OTUD7A: variants seen among roughly 807,000 people sequenced by gnomAD.
OTUD7A encodes the protein OTU domain-containing protein 7A.
A neutral mutation model predicts 65.7 loss-of-function variants in OTUD7A; 12 were observed. That is an observed-to-expected ratio of 0.18 (90% CI 0.12 to 0.30). The LOEUF is 0.30. OTUD7A is among the 10% of genes least tolerant of loss of function. The pLI, the probability that OTUD7A is intolerant of heterozygous loss-of-function variation, is 1.00. For missense variants in OTUD7A, 1,148 were observed against 1,304.8 expected (o/e 0.88, Z 1.85); for synonymous variants, 641 against 586.3 (o/e 1.09, Z -1.35).
intron 1 of OTUD7A, among the ~76,000 whole-genome samples, chr15:31,679,373 T>C (rs1206733240): frequency 6.6e-6 from 1 of 151,956 alleles, no homozygotes; most frequent in African/African-American, 2.4e-5. Flanking sequence ...AACATGAGAT[T>C]TGATTTGGAA....
At chr15:31,846,295 C>A (rs777188381) in intron 1 of OTUD7A, among the ~76,000 whole-genome samples, 1 of 152,214 alleles carries the variant, frequency 6.6e-6, no homozygotes, top group East Asian at 1.9e-4. Context: ...CAGTCTAGAG[C>A]CTGTGGCCCA....
At chr15:31,819,723 T>C (rs1896633238) in intron 1 of OTUD7A, among the ~76,000 whole-genome samples, 1 of 151,970 alleles carries the variant, frequency 6.6e-6, no homozygotes, top group Admixed American at 6.6e-5. Context: ...TTATATATTA[T>C]ACAGGTAACA....
chr15:31,632,289 G>T lies in OTUD7A; in HGVS notation c.151+22807C>A, dbSNP rs1028555734. Among the ~76,000 whole-genome samples the T allele has an allele frequency of 6.6e-5, 10 of 152,312 alleles. No homozygotes were observed. In the East Asian group the frequency reaches 1.7e-3, roughly 26 times the overall value. On this transcript the variant is annotated intron_variant, in intron 3 of 12. Transcript: ENST00000307050. ...TTTGGTGTGGATGTCCTTTCTGTTT[G>T]TTAGTTTTCCTTCTAACAGACAGGA... is the stretch of plus-strand genomic sequence containing the variant.
rs909570627 is a variant in OTUD7A, at chr15:31,479,636, G to A, written c.*3658C>T. 1 of 128,470 alleles carries A rather than the reference G, an allele frequency of 7.8e-6. No homozygotes were observed. Among genetic ancestry groups the A allele is most frequent in the Non-Finnish European group, 1.6e-5 (1 of 63,124 alleles). The allele number at this position is 128,470 out of a possible 1,614,324, so 8.0% of individuals were successfully genotyped here. On this transcript the variant is annotated 3_prime_UTR_variant, in exon 13 of 13. Coordinates refer to ENST00000307050, the MANE Select transcript of OTUD7A (RefSeq NM_001382637.1). ...TTATTTTTGCAAAGTAGAATAGTTC[G>A]CAAAATAAGTTTGTGGACACTAAGT...
At chr15:31,599,679 A>G (rs545107228) in intron 3 of OTUD7A, among the ~76,000 whole-genome samples, 28 of 152,174 alleles carry the variant, frequency 1.8e-4, no homozygotes, top group Non-Finnish European at 3.1e-4. Context: ...AAAGTGGGTA[A>G]TAACAAACCC....
chr15:31,808,934 G>C (rs1896350832), intron 1 of OTUD7A, among the ~76,000 whole-genome samples: 2 of 152,220 alleles, frequency 1.3e-5, no homozygotes, highest in Admixed American at 1.3e-4. Flanking sequence ...CTAATCGTGT[G>C]TGGCTCCTGC....
At chr15:31,659,867 TGGGGTCGAGCACA>T (rs1892109005) in intron 1 of OTUD7A, among the ~76,000 whole-genome samples, 1 of 152,244 alleles carries the variant, frequency 6.6e-6, no homozygotes, top group Admixed American at 6.5e-5. Flanking sequence ...TGAACAGATC[TGGGGTCGAGCACA>T]GGCTTGGGAG....
chr15:31,870,227 G>A (rs906674199), intron 1 of OTUD7A, among the ~76,000 whole-genome samples: 5 of 148,580 alleles, frequency 3.4e-5, no homozygotes, highest in Non-Finnish European at 7.5e-5. Flanking sequence ...CGCCCTGCCC[G>A]AGAGAGGCGC....
At chr15:31,797,180 C>T (rs1304677092) in intron 1 of OTUD7A, among the ~76,000 whole-genome samples, 1 of 152,194 alleles carries the variant, frequency 6.6e-6, no homozygotes, top group Non-Finnish European at 1.5e-5. Context: ...AACTCAGGAG[C>T]ATGGGAGCCC....
chr15:31,861,332 G>A (rs146030702), intron 1 of OTUD7A, among the ~76,000 whole-genome samples: 12 of 152,290 alleles, frequency 7.9e-5, no homozygotes, highest in Non-Finnish European at 1.6e-4. Context: ...CATGGAAAGA[G>A]TCTAATGTGA....
chr15:31,638,730 T>C (rs1322029987), intron 3 of OTUD7A, among the ~76,000 whole-genome samples: 1 of 152,088 alleles, frequency 6.6e-6, no homozygotes, highest in East Asian at 1.9e-4. Flanking sequence ...AACCAAAAAA[T>C]TCATGTGACT....
rs2141048290 is a variant in OTUD7A at position 31,475,705 on chromosome 15, T to C, written c.*7589A>G. On this transcript the variant is annotated 3_prime_UTR_variant, in exon 13 of 13. Coordinates refer to ENST00000307050, the MANE Select transcript of OTUD7A (RefSeq NM_001382637.1). Reference sequence around the variant, plus strand: ...GTTTCTTCTCCAAGAATGGACCGGATTGAAAAGGATATTTGCATTGAATTG... The same window carrying C: ...GTTTCTTCTCCAAGAATGGACCGGACTGAAAAGGATATTTGCATTGAATTG... 6.6e-6 allele frequency: 1 copy of C among 152,284 alleles called. No individual in the cohort carries two copies. The highest frequency in any genetic ancestry group is 3.4e-3 in the Middle Eastern group (1 of 294). The allele number at this position is 152,284 out of a possible 1,614,324, so 9.4% of individuals were successfully genotyped here. A position where few individuals can be genotyped will look rare whatever the true frequency, so the allele number is the denominator to read the frequency against.
chr15:31,515,748 T>C (rs1220662298), intron 8 of OTUD7A, among the ~76,000 whole-genome samples: 2 of 149,208 alleles, frequency 1.3e-5, no homozygotes, highest in Non-Finnish European at 3.0e-5. Flanking sequence ...ATTCATGCCA[T>C]CCACCCACCC....
chr15:31,573,215 C>T (rs1478179366), intron 3 of OTUD7A, among the ~76,000 whole-genome samples: 1 of 152,168 alleles, frequency 6.6e-6, no homozygotes, highest in Non-Finnish European at 1.5e-5. Flanking sequence ...CTACAAGATA[C>T]TGAAGGAAAG....
At chr15:31,779,199 C>A (rs1480943171) in intron 1 of OTUD7A, among the ~76,000 whole-genome samples, 1 of 152,202 alleles carries the variant, frequency 6.6e-6, no homozygotes, top group Non-Finnish European at 1.5e-5. Flanking sequence ...AGGCCAAGGG[C>A]ACCTCCTGGA....
chr15:31,562,630 C>T (rs371701653), intron 4 of OTUD7A, among the ~76,000 whole-genome samples: 1 of 151,958 alleles, frequency 6.6e-6, no homozygotes, highest in African/African-American at 2.4e-5. Context: ...TCATGACAGT[C>T]ATTTCTGTGT....
intron 3 of OTUD7A, among the ~76,000 whole-genome samples, chr15:31,581,579 C>T (rs1889372704): frequency 6.6e-6 from 1 of 152,244 alleles, no homozygotes; most frequent in African/African-American, 2.4e-5. Flanking sequence ...GACTTCTGTG[C>T]ACCTGCAGGC....
At chr15:31,523,466 C>T (rs1353410275) in intron 8 of OTUD7A, among the ~76,000 whole-genome samples, 2 of 152,190 alleles carry the variant, frequency 1.3e-5, no homozygotes. Context: ...GGTGGCTCCT[C>T]TCACTGACTA....
intron 1 of OTUD7A, among the ~76,000 whole-genome samples, chr15:31,735,737 T>G (rs1051885372): frequency 2.6e-5 from 4 of 152,152 alleles, no homozygotes; most frequent in African/African-American, 9.7e-5. Flanking sequence ...TATAAATCAT[T>G]CTATTGTAAA....
Sources: allele counts gnomAD v4.1 joint callset (sites outside exome capture counted in the v4.1 genomes callset), GRCh38; gene constraint gnomAD v4.1.1; transcripts MANE v1.5; gene names NCBI Gene and HGNC (gene_info 2026-07-23, HGNC 2026-07-21).